ALPK1: variants seen among roughly 807,000 people sequenced by gnomAD.
ALPK1 encodes alpha-protein kinase 1.
In ALPK1, 110 loss-of-function variants were observed where a neutral mutation model predicts 120.6. The ratio of observed to expected loss-of-function variants is 0.91; its 90% CI spans 0.78 to 1.07. The LOEUF (loss-of-function observed/expected upper bound fraction) is 1.07, where lower values mean the gene tolerates loss of function less well. Among genes scored for constraint, ALPK1 ranks in the 50% least tolerant of loss-of-function variants. The pLI is 0.00. For synonymous variants in ALPK1, 582 were observed against 560.3 expected, an observed-to-expected ratio of 1.04 and a Z score of -0.55; for missense variants, 1,498 against 1,483.9, an observed-to-expected ratio of 1.01 and a Z score of -0.16.
chr4:112,307,753 G>A (rs189391538), intron 1 of ALPK1, among the ~76,000 whole-genome samples: 1 of 152,146 alleles, frequency 6.6e-6, no homozygotes, highest in Non-Finnish European at 1.5e-5. Flanking sequence ...TTACATTTAA[G>A]GCTAATATTG....
At chr4:112,439,644 C>A (rs1201135867) in intron 13 of ALPK1, 42 bp from the exon 14 acceptor site, 7 of 1,536,336 alleles carry the variant, frequency 4.6e-6, no homozygotes, top group Non-Finnish European at 5.3e-6. Flanking sequence ...AGACAATGGC[C>A]TTTACCATTA....
rs187961229 is a variant in ALPK1, at chr4:112,306,935, A to T, written c.-152-8866A>T. On this transcript the variant is annotated intron_variant, in intron 1 of 15. Coordinates refer to ENST00000650871, the MANE Select transcript of ALPK1 (RefSeq NM_025144.4). ...ACTCTACTTTAAATGTGTCCCAGAG[A>T]TTCTGGTATGTTGTGTCTTTGTTCT... is the stretch of plus-strand genomic sequence containing the variant. Among the ~76,000 whole-genome samples, 138 of 152,140 alleles carry T rather than the reference A, an allele frequency of 9.1e-4. 2 individuals are homozygous for T. Among genetic ancestry groups the T allele is most frequent in the Middle Eastern group, 3.4e-3 (1 of 294 alleles).
intron 8 of ALPK1, among the ~76,000 whole-genome samples, chr4:112,427,266 C>A (rs1237995484): frequency 1.3e-5 from 2 of 152,050 alleles, no homozygotes; most frequent in Non-Finnish European, 2.9e-5. Flanking sequence ...AAAAATATCT[C>A]CAAGTCAGGG....
At chr4:112,301,444 C>A (rs1727782852) in intron 1 of ALPK1, among the ~76,000 whole-genome samples, 1 of 152,122 alleles carries the variant, frequency 6.6e-6, no homozygotes, top group Non-Finnish European at 1.5e-5. Flanking sequence ...TAGAAGCGCC[C>A]TTACTGTGTT....
Position 112,432,573 on chromosome 4 carries a change from G to A in ALPK1, c.3026G>A (p.Arg1009Gln), listed in dbSNP as rs141398762. The change falls in exon 11 of 16, where the codon CGA becomes CAA. Residue 1009 changes from arginine (R) to glutamine (Q), a missense_variant. By Grantham distance (43) the Arg-to-Gln change is conservative. Coordinates refer to ENST00000650871, the MANE Select transcript of ALPK1 (RefSeq NM_025144.4). The stretch of plus-strand genomic sequence containing the variant: ...GTTTTTAAGCCCAGTCAACTCCACC[G>A]AGCACATAGTAAGTACAATCTTTTC... ...TGVFKPSQLH[R>Q]AHSALLLKYS... 170 of 1,611,502 alleles carry A rather than the reference G, an allele frequency of 1.1e-4. No individual in the cohort carries two copies. Among genetic ancestry groups the A allele is most frequent in the Non-Finnish European group, 1.2e-4 (144 of 1,179,678 alleles).
chr4:112,402,036 A>G (rs1732938402), intron 4 of ALPK1, among the ~76,000 whole-genome samples: 1 of 152,220 alleles, frequency 6.6e-6, no homozygotes, highest in Non-Finnish European at 1.5e-5. Context: ...TGAGTCCACC[A>G]GTTTGATCTG....
intron 2 of ALPK1, among the ~76,000 whole-genome samples, chr4:112,370,725 C>G (rs146639077): frequency 6.6e-6 from 1 of 152,156 alleles, no homozygotes; most frequent in African/African-American, 2.4e-5. Flanking sequence ...GTATTTTCTT[C>G]CTATTGTCTC....
At chr4:112,314,602 T>C (rs1728552944) in intron 1 of ALPK1, among the ~76,000 whole-genome samples, 1 of 151,854 alleles carries the variant, frequency 6.6e-6, no homozygotes, top group African/African-American at 2.4e-5. Flanking sequence ...AGAATAAGAG[T>C]GATTTGGAGA....
intron 1 of ALPK1, among the ~76,000 whole-genome samples, chr4:112,313,345 G>C (rs1489614476): frequency 1.3e-5 from 2 of 152,208 alleles, no homozygotes; most frequent in Non-Finnish European, 2.9e-5. Flanking sequence ...AAAACCAAGA[G>C]AGTATGGTTT....
intron 6 of ALPK1, chr4:112,425,357 G>A (rs1042633119): frequency 4.6e-5 from 9 of 196,608 alleles, no homozygotes; most frequent in Non-Finnish European, 9.5e-5. Context: ...GAAGCCAGAG[G>A]AAAGAGAATC....
At chr4:112,432,646 C>T in intron 11 of ALPK1, 65 bp downstream of exon 11, 1 of 1,460,386 alleles carries the variant, frequency 6.8e-7, no homozygotes, top group South Asian at 1.2e-5. Flanking sequence ...CTCTGAAGAG[C>T]TTGGTATGTA....
At position 112,379,582 on chromosome 4, in the gene ALPK1, G is replaced by C. The variant is rs1034553139; in HGVS notation, c.121+1684G>C. Among the ~76,000 whole-genome samples, 4 of 152,240 alleles carry C rather than the reference G, an allele frequency of 2.6e-5. No individual in the cohort carries two copies. In the South Asian group the frequency reaches 8.3e-4, roughly 32 times the overall value. ...AGGTGGCTGCGGAGCGGCTCGAGCAGGCGGGTCGTGCCGCCACCGATGTCG... is the reference window on the plus strand; with the variant it reads ...AGGTGGCTGCGGAGCGGCTCGAGCACGCGGGTCGTGCCGCCACCGATGTCG... On this transcript the variant is annotated intron_variant, in intron 3 of 15. Transcript: ENST00000650871.
intron 1 of ALPK1, among the ~76,000 whole-genome samples, chr4:112,310,091 C>G (rs1301680189): frequency 6.6e-6 from 1 of 152,094 alleles, no homozygotes; most frequent in African/African-American, 2.4e-5. Context: ...GTGGACAATA[C>G]AGATTTGCTA....
intron 3 of ALPK1, among the ~76,000 whole-genome samples, chr4:112,381,076 A>G (rs963588479): frequency 1.3e-5 from 2 of 152,214 alleles, no homozygotes; most frequent in African/African-American, 4.8e-5. Flanking sequence ...GAAGATTTTT[A>G]TTCAGGGCAA....
chr4:112,433,501 A>G (rs910441416), intron 11 of ALPK1, among the ~76,000 whole-genome samples: 1 of 152,202 alleles, frequency 6.6e-6, no homozygotes, highest in African/African-American at 2.4e-5. Context: ...CTTCCAGACT[A>G]CAGTACCCCT....
intron 2 of ALPK1, among the ~76,000 whole-genome samples, chr4:112,320,893 C>CTTT (rs1430803675): frequency 4.2e-4 from 50 of 119,174 alleles, no homozygotes; most frequent in African/African-American, 1.7e-3. Context: ...TCACCCATTT[C>CTTT]TTTCTTTTTT....
intron 4 of ALPK1, among the ~76,000 whole-genome samples, chr4:112,391,724 C>A (rs148481671): frequency 6.6e-6 from 1 of 152,184 alleles, no homozygotes; most frequent in Non-Finnish European, 1.5e-5. Context: ...AGGCAGGGAA[C>A]AGATGCTCCT....
intron 2 of ALPK1, among the ~76,000 whole-genome samples, chr4:112,373,482 A>G (rs1731508622): frequency 6.6e-6 from 1 of 152,230 alleles, no homozygotes; most frequent in South Asian, 2.1e-4. Flanking sequence ...ATCCATGCAG[A>G]AATACCTTTT....
At chr4:112,402,377 G>A (rs533506489) in intron 4 of ALPK1, among the ~76,000 whole-genome samples, 27 of 152,276 alleles carry the variant, frequency 1.8e-4, no homozygotes, top group South Asian at 1.5e-3. Context: ...AGGGGCTGGC[G>A]CTAATGCAAG....
Sources: allele counts gnomAD v4.1 joint callset (sites outside exome capture counted in the v4.1 genomes callset), GRCh38; gene constraint gnomAD v4.1.1; transcripts MANE v1.5; gene names NCBI Gene and HGNC (gene_info 2026-07-23, HGNC 2026-07-21).